The following KAZN variants were observed in gnomAD, a reference collection of about 807,000 sequenced individuals.
The protein encoded by KAZN is kazrin.
Under a neutral mutation model 87.4 loss-of-function variants are expected in KAZN, and 40 were observed. The ratio of observed to expected loss-of-function variants is 0.46; its 90% CI spans 0.36 to 0.60. The LOEUF (loss-of-function observed/expected upper bound fraction) is 0.60, where lower values mean the gene tolerates loss of function less well. Ranked by LOEUF, KAZN falls within the 20% of genes least tolerant of loss-of-function variation. KAZN has a pLI of 0.00. For missense variants in KAZN, 898 were observed against 1,073.9 expected (o/e 0.84, Z 2.29); for synonymous variants, 466 against 458.3 (o/e 1.02, Z -0.22).
intron 2 of KAZN, among the ~76,000 whole-genome samples, chr1:14,254,196 T>G (rs1650297701): frequency 6.6e-6 from 1 of 152,202 alleles, no homozygotes; most frequent in Non-Finnish European, 1.5e-5. Context: ...AATTATATTT[T>G]TCTTTTGGCT....
At chr1:14,024,824 C>T (rs1222974192) in intron 1 of KAZN, among the ~76,000 whole-genome samples, 2 of 152,190 alleles carry the variant, frequency 1.3e-5, no homozygotes, top group East Asian at 3.9e-4. Flanking sequence ...GCTTGAAAGG[C>T]ACTGACGCTT....
chr1:13,901,042 GAA>G (rs35671009), intron 1 of KAZN, among the ~76,000 whole-genome samples: 16 of 145,840 alleles, frequency 1.1e-4, no homozygotes, highest in East Asian at 4.0e-4. Context: ...GCTAATCATT[GAA>G]AAAAAAAAAA....
chr1:14,518,178 CTTT>C (rs141321203), intron 2 of KAZN, among the ~76,000 whole-genome samples: 2 of 91,312 alleles, frequency 2.2e-5, no homozygotes. Flanking sequence ...TTTTTGAAGG[CTTT>C]TTTTTTTTTT....
rs139745661 is a variant in KAZN at position 14,243,155 on chromosome 1, C to G, written c.249+62563C>G. Among the ~76,000 whole-genome samples the G allele has an allele frequency of 5.9e-5, 9 of 152,286 alleles. No homozygotes were observed. In the East Asian group the frequency reaches 1.7e-3, roughly 29 times the overall value. ...CTACACACACACATACTGTGTTTCT[C>G]TGTTTTCAGTTTTGTTCGCCATTAT... On this transcript the variant is annotated intron_variant, in intron 2 of 16. Transcript: ENST00000636203.
intron 1 of KAZN, among the ~76,000 whole-genome samples, chr1:13,898,543 G>A (rs1252525560): frequency 1.3e-5 from 2 of 152,318 alleles, no homozygotes; most frequent in South Asian, 4.1e-4. Flanking sequence ...TCCTGCTGAC[G>A]CTGCATGAAT....
At chr1:14,219,018 C>G (rs2100489960) in intron 2 of KAZN, among the ~76,000 whole-genome samples, 1 of 152,158 alleles carries the variant, frequency 6.6e-6, no homozygotes, top group Non-Finnish European at 1.5e-5. Context: ...ACCCAATGAT[C>G]AATCCAGTAG....
intron 2 of KAZN, among the ~76,000 whole-genome samples, chr1:14,428,243 T>G (rs145201276): frequency 1.3e-5 from 2 of 152,176 alleles, no homozygotes; most frequent in African/African-American, 4.8e-5. Context: ...TTTGGGTTAC[T>G]AAATGAGCTC....
At chr1:14,144,693 A>G (rs1052973501) in intron 1 of KAZN, among the ~76,000 whole-genome samples, 4 of 152,210 alleles carry the variant, frequency 2.6e-5, no homozygotes, top group Non-Finnish European at 4.4e-5. Context: ...GAAAATTTCA[A>G]GATGGAGCAT....
At chr1:14,121,636 A>T (rs949330217) in intron 1 of KAZN, among the ~76,000 whole-genome samples, 1 of 152,208 alleles carries the variant, frequency 6.6e-6, no homozygotes, top group Non-Finnish European at 1.5e-5. Context: ...ATGCCCAAAG[A>T]TCCCTCCCTC....
intron 1 of KAZN, among the ~76,000 whole-genome samples, chr1:13,972,959 T>C (rs1189041764): frequency 6.6e-6 from 1 of 152,250 alleles, no homozygotes; most frequent in Non-Finnish European, 1.5e-5. Context: ...AACATATTTA[T>C]TGTCTATCAC....
chr1:14,155,072 C>T (rs1202423423), intron 1 of KAZN, among the ~76,000 whole-genome samples: 2 of 151,624 alleles, frequency 1.3e-5, no homozygotes, highest in Non-Finnish European at 2.9e-5. Context: ...GAAGTATTCC[C>T]TCTTCCTCTA....
intron 1 of KAZN, among the ~76,000 whole-genome samples, chr1:14,849,904 A>G (rs1649230002): frequency 6.6e-6 from 1 of 152,016 alleles, no homozygotes; most frequent in Non-Finnish European, 1.5e-5. Flanking sequence ...TGCTTGCAAT[A>G]AAGAAAGGCA....
intron 1 of KAZN, among the ~76,000 whole-genome samples, chr1:14,886,437 TACACAC>T (rs34119523): frequency 8.5e-4 from 125 of 147,284 alleles, no homozygotes; most frequent in South Asian, 4.9e-3. Flanking sequence ...CACACACACA[TACACAC>T]ACACACACAC....
chr1:14,025,952 G>A (rs536651592), intron 1 of KAZN, among the ~76,000 whole-genome samples: 13 of 152,208 alleles, frequency 8.5e-5, no homozygotes, highest in Middle Eastern at 3.4e-3. Context: ...TAGTATGAGA[G>A]GAGTGGTCTT....
At chr1:14,545,465 C>A (rs1012661974) in intron 2 of KAZN, among the ~76,000 whole-genome samples, 3 of 152,142 alleles carry the variant, frequency 2.0e-5, no homozygotes, top group African/African-American at 7.2e-5. Context: ...TTTAATGTCT[C>A]TGTACCCACA....
chr1:14,952,707 C>G (rs887906139), intron 1 of KAZN, among the ~76,000 whole-genome samples: 23 of 152,082 alleles, frequency 1.5e-4, no homozygotes, highest in African/African-American at 5.6e-4. Context: ...ATGGCTCAGC[C>G]TTCAGCACAT....
intron 2 of KAZN, among the ~76,000 whole-genome samples, chr1:14,258,280 A>G (rs1237881905): frequency 2.7e-5 from 4 of 149,258 alleles, no homozygotes; most frequent in African/African-American, 5.0e-5. Context: ...CAGTGGTGCA[A>G]TCTTGGCTCA....
Position 15,094,015 on chromosome 1 carries a change from G to A in KAZN, c.1223-165G>A, listed in dbSNP as rs181527310. Reference sequence around the variant, plus strand: ...TTTCATAGATTACTTTTGTAATGGGGGCAAGGGCAGAAAAACAAAAACGCC... The same window carrying A: ...TTTCATAGATTACTTTTGTAATGGGAGCAAGGGCAGAAAAACAAAAACGCC... On this transcript the variant is annotated intron_variant, in intron 8 of 14. Transcript: ENST00000376030. The surrounding 1 kb of genome is among the most constrained non-coding windows in gnomAD (Gnocchi z 4.5). Among the ~76,000 whole-genome samples the A allele has an allele frequency of 2.1e-3, 317 of 152,254 alleles. 1 individual carries two copies. The highest frequency in any genetic ancestry group is 0.014 in the Middle Eastern group (4 of 294).
At chr1:14,930,091 G>C in intron 1 of KAZN, 1 of 985,500 alleles carries the variant, frequency 1.0e-6, no homozygotes, top group Non-Finnish European at 1.2e-6. Context: ...GGCTGACACT[G>C]AGTCTGGCCT....
Sources: allele counts gnomAD v4.1 joint callset (sites outside exome capture counted in the v4.1 genomes callset), GRCh38; gene constraint gnomAD v4.1.1; non-coding constraint Gnocchi (gnomAD v3.1); transcripts MANE v1.5; gene names NCBI Gene and HGNC (gene_info 2026-07-23, HGNC 2026-07-21).